Variants in KIF15 observed in about 807,000 individuals in gnomAD.
The protein encoded by KIF15 is kinesin family member 15, also known as kinesin-like protein KIF15.
KIF15 carries 140 observed loss-of-function variants against 190.6 expected under a neutral mutation model. That is an observed-to-expected ratio of 0.73 (90% CI 0.64 to 0.84). KIF15 has a LOEUF of 0.84. Ranked by LOEUF, KIF15 falls within the 40% of genes least tolerant of loss-of-function variation. The pLI is 0.00. For missense variants in KIF15, 1,372 were observed against 1,584.4 expected (o/e 0.87, Z 2.28); for synonymous variants, 528 against 551.3 (o/e 0.96, Z 0.59).
intron 7 of KIF15, among the ~76,000 whole-genome samples, chr3:44,791,390 G>T (rs1279372625): frequency 2.6e-5 from 4 of 152,114 alleles, no homozygotes; most frequent in Non-Finnish European, 4.4e-5. Flanking sequence ...TTTAGATCAG[G>T]TAGGGTAAGT....
At chr3:44,775,551 G>T in intron 3 of KIF15, 114 bp downstream of exon 3, 2 of 696,574 alleles carry the variant, frequency 2.9e-6, no homozygotes, top group Non-Finnish European at 4.6e-6. Context: ...TGCCTCCCGG[G>T]TTCAAGTGAT....
chr3:44,800,511 C>T lies in KIF15; in HGVS notation c.1222+74C>T, dbSNP rs1270365263. On this transcript the variant is annotated intron_variant, in intron 11 of 34. Coordinates refer to ENST00000326047, the MANE Select transcript of KIF15 (RefSeq NM_020242.3). ...TAGTTTAAGAGCCCTTGGTGATAGA[C>T]ACAACACAATAAGGCAACCCAAATT... 2.6e-6 allele frequency: 4 copies of T among 1,537,270 alleles called. No homozygotes were observed. The African/African-American group carries it at 4.2e-5, about 16-fold the overall frequency.
chr3:44,797,474 CTAGA>C (rs1707042721), intron 8 of KIF15, 73 bp from the exon 9 acceptor site: 1 of 1,476,900 alleles, frequency 6.8e-7, no homozygotes, highest in African/African-American at 1.4e-5. Flanking sequence ...TTTTCCTCTG[CTAGA>C]TATATTTTCA....
At chr3:44,862,189 G>A (rs1233004451) in intron 6 of KIF15, 12 of 1,010,212 alleles carry the variant, frequency 1.2e-5, no homozygotes, top group Non-Finnish European at 1.5e-5. Flanking sequence ...GAGGAGGGGC[G>A]CTGCGGGGCC....
intron 27 of KIF15, among the ~76,000 whole-genome samples, chr3:44,838,747 CA>C (rs779928383): frequency 0.043 from 3,231 of 74,398 alleles, 54 homozygotes; most frequent in African/African-American, 0.091. Flanking sequence ...GACCCTGTCT[CA>C]AAAAAAAAAA....
At chr3:44,840,833 TA>T (rs1698563757) in intron 28 of KIF15, among the ~76,000 whole-genome samples, 1 of 90,042 alleles carries the variant, frequency 1.1e-5, no homozygotes, top group African/African-American at 4.8e-5. Flanking sequence ...CACGCCTGGC[TA>T]ATTTTTTTTT....
At chr3:44,817,444 C>G (rs1708077840) in intron 20 of KIF15, among the ~76,000 whole-genome samples, 1 of 152,188 alleles carries the variant, frequency 6.6e-6, no homozygotes, top group South Asian at 2.1e-4. Flanking sequence ...GATCCAGTTT[C>G]AGCTTTCTAC....
intron 5 of KIF15, among the ~76,000 whole-genome samples, chr3:44,781,294 A>G (rs1706152057): frequency 6.6e-6 from 1 of 152,134 alleles, no homozygotes; most frequent in African/African-American, 2.4e-5. Flanking sequence ...CATCATTAAT[A>G]TTGCTTGTTT....
intron 14 of KIF15, 94 bp downstream of exon 14, chr3:44,803,085 C>T: frequency 9.4e-7 from 1 of 1,064,210 alleles, no homozygotes; most frequent in Non-Finnish European, 1.3e-6. Flanking sequence ...TCATTTTAGC[C>T]TCCAGGCCTG....
At chr3:44,837,556 ATATC>A (rs748160174) in intron 26 of KIF15, among the ~76,000 whole-genome samples, 52 of 151,824 alleles carry the variant, frequency 3.4e-4, no homozygotes, top group Non-Finnish European at 6.5e-4. Context: ...GTGTGTATAT[ATATC>A]TGTGTATATC....
Position 44,775,348 on chromosome 3 carries a change from G to A in KIF15, c.157G>A (p.Val53Met), listed in dbSNP as rs1489060129. Residue 53 changes from valine (V) to methionine (M), a missense_variant, in exon 3 of 35, where the codon GTG becomes ATG. Transcript: ENST00000326047. ...TGGAGAGCAGAACTTATGCTTATCTGTGCTGTCCTCCACGAGTCTCCGGCT... is the reference window on the plus strand; with the variant it reads ...TGGAGAGCAGAACTTATGCTTATCTATGCTGTCCTCCACGAGTCTCCGGCT... Reference protein sequence around the residue: ...ADGEQNLCLSVLSSTSLRLHS... With the variant: ...ADGEQNLCLSMLSSTSLRLHS... 5.6e-6 allele frequency: 9 copies of A among 1,613,888 alleles called. No individual in the cohort carries two copies. The Admixed American group carries it at 8.3e-5, about 15-fold the overall frequency.
chr3:44,820,396 A>C (rs1190376370), intron 20 of KIF15, among the ~76,000 whole-genome samples: 2 of 149,578 alleles, frequency 1.3e-5, no homozygotes, highest in Admixed American at 6.7e-5. Context: ...TGTTTCTCAC[A>C]GAGGGGGATT....
intron 1 of KIF15, among the ~76,000 whole-genome samples, chr3:44,773,746 T>C (rs1172082460): frequency 6.6e-6 from 1 of 152,154 alleles, no homozygotes; most frequent in Non-Finnish European, 1.5e-5. Flanking sequence ...TTACTCACCT[T>C]TACTCATGTT....
intron 1 of KIF15, 148 bp downstream of exon 1, chr3:44,762,032 C>A: frequency 1.0e-6 from 1 of 981,076 alleles, no homozygotes; most frequent in Non-Finnish European, 1.6e-6. Flanking sequence ...GAATCCCGCT[C>A]TGTCGCTCAA....
intron 27 of KIF15, among the ~76,000 whole-genome samples, chr3:44,839,241 C>T (rs576830472): frequency 3.9e-5 from 6 of 151,936 alleles, no homozygotes; most frequent in African/African-American, 1.2e-4. Context: ...GCGTGGTGGC[C>T]GGCTCCGGTA....
At chr3:44,844,180 C>T (rs1698740023) in intron 30 of KIF15, among the ~76,000 whole-genome samples, 1 of 152,170 alleles carries the variant, frequency 6.6e-6, no homozygotes, top group African/African-American at 2.4e-5. Context: ...CTGCAGCTCC[C>T]TGGCCCTGTC....
At chr3:44,824,601 C>T (rs1697541212) in intron 20 of KIF15, among the ~76,000 whole-genome samples, 1 of 152,168 alleles carries the variant, frequency 6.6e-6, no homozygotes, top group Non-Finnish European at 1.5e-5. Context: ...TCAACTCAAA[C>T]TATTTTGTGT....
intron 6 of KIF15, chr3:44,862,126 G>T: frequency 8.1e-7 from 1 of 1,239,242 alleles, no homozygotes; most frequent in Non-Finnish European, 1.0e-6. Context: ...GGTCGAGCCC[G>T]GGGCGCTGTT....
intron 1 of KIF15, among the ~76,000 whole-genome samples, chr3:44,774,070 A>G (rs540603154): frequency 6.6e-6 from 1 of 152,278 alleles, no homozygotes; most frequent in African/African-American, 2.4e-5. Flanking sequence ...GAGCCACTCC[A>G]TATTGATTTA....
Sources: gnomAD v4.1 joint callset for allele counts (sites outside exome capture counted in the v4.1 genomes callset) on GRCh38, gnomAD v4.1.1 for gene constraint, MANE v1.5 for transcripts, NCBI Gene and HGNC (gene_info 2026-07-23, HGNC 2026-07-21) for gene names.